Variants in DPH6 observed in about 807,000 individuals in gnomAD.
The protein encoded by DPH6 is diphthamine biosynthesis 6, also known as diphthine--ammonia ligase.
In DPH6, 33 loss-of-function variants were observed where a neutral mutation model predicts 38.2. The observed-to-expected ratio is 0.86, with a 90% CI of 0.65 to 1.15. The LOEUF is 1.15. Ranked by LOEUF, DPH6 falls within the 50% of genes most tolerant of loss-of-function variation. DPH6 has a pLI of 0.00. For synonymous variants in DPH6, 108 were observed against 103.0 expected (o/e 1.05, Z -0.30); for missense variants, 325 against 320.0 (o/e 1.02, Z -0.12).
At chr15:35,527,012 C>T (rs1191823229) in intron 3 of DPH6, among the ~76,000 whole-genome samples, 4 of 152,112 alleles carry the variant, frequency 2.6e-5, no homozygotes, top group Non-Finnish European at 5.9e-5. Context: ...AGGATCAATT[C>T]AATCCAATCT....
At chr15:35,216,365 C>T (rs1383888161), downstream of DPH6, among the ~76,000 whole-genome samples, 1 of 152,148 alleles carries the variant, frequency 6.6e-6, no homozygotes, top group Non-Finnish European at 1.5e-5. Context: ...TCTTTATATA[C>T]TTGGTAGCTT....
At chr15:35,412,479 G>A (rs2053379595) in intron 5 of DPH6, among the ~76,000 whole-genome samples, 1 of 151,564 alleles carries the variant, frequency 6.6e-6, no homozygotes, top group Non-Finnish European at 1.5e-5. Flanking sequence ...GTGTTCCTTG[G>A]TGTTTACCCA....
intron 3 of DPH6, among the ~76,000 whole-genome samples, chr15:35,289,809 C>T (rs2051967948): frequency 6.6e-6 from 1 of 152,154 alleles, no homozygotes; most frequent in Non-Finnish European, 1.5e-5. Flanking sequence ...ACATGTAATG[C>T]ACTAAAATTG....
chr15:35,336,135 A>G (rs2052369919), intron 3 of DPH6, among the ~76,000 whole-genome samples: 1 of 152,016 alleles, frequency 6.6e-6, no homozygotes, highest in African/African-American at 2.4e-5. Flanking sequence ...TTCTTTTTGT[A>G]GCAATTGTGA....
chr15:35,149,412 T>C, the DPH6 span, among the ~76,000 whole-genome samples: 5 of 152,204 alleles, frequency 3.3e-5, no homozygotes, highest in East Asian at 7.7e-4. Context: ...TAATTTTTTG[T>C]ATTTTTAGTA....
chr15:35,165,349 T>C, the DPH6 span, among the ~76,000 whole-genome samples: 1 of 151,930 alleles, frequency 6.6e-6, no homozygotes, highest in Non-Finnish European at 1.5e-5. Context: ...GGTGGAACAC[T>C]CTTTGATTTA....
chr15:35,342,959 C>A (rs1439021703), intron 3 of DPH6, among the ~76,000 whole-genome samples: 1 of 152,138 alleles, frequency 6.6e-6, no homozygotes, highest in African/African-American at 2.4e-5. Flanking sequence ...TATACTTTCA[C>A]CCACTTCTTC....
intron 3 of DPH6, among the ~76,000 whole-genome samples, chr15:35,347,874 T>C (rs2052476108): frequency 1.3e-5 from 2 of 152,252 alleles, no homozygotes; most frequent in South Asian, 2.1e-4. Context: ...TCATTGTTGT[T>C]TTGATTTGCA....
chr15:35,521,603 C>T (rs1595439885), intron 3 of DPH6: 1 of 1,228,610 alleles, frequency 8.1e-7, no homozygotes, highest in South Asian at 4.1e-5. Flanking sequence ...TTTTCATCTA[C>T]CACAGGATGA....
At chr15:35,424,052 G>T (rs1011785038) in intron 5 of DPH6, among the ~76,000 whole-genome samples, 1 of 148,070 alleles carries the variant, frequency 6.8e-6, no homozygotes, top group African/African-American at 2.6e-5. Context: ...GTGGTCTTTT[G>T]TGGTTCCATA....
At chr15:35,167,225 G>T in the DPH6 span, among the ~76,000 whole-genome samples, 1 of 151,898 alleles carries the variant, frequency 6.6e-6, no homozygotes, top group Non-Finnish European at 1.5e-5. Context: ...AGACTCAGAA[G>T]AATAACAAAA....
chr15:35,360,897 A>T (rs1054288224), intron 3 of DPH6, among the ~76,000 whole-genome samples: 4 of 151,994 alleles, frequency 2.6e-5, no homozygotes, highest in Non-Finnish European at 5.9e-5. Flanking sequence ...CTGCCACTGG[A>T]GGAATGAACA....
intron 3 of DPH6, among the ~76,000 whole-genome samples, chr15:35,224,074 T>A (rs911700068): frequency 1.3e-5 from 2 of 150,572 alleles, no homozygotes; most frequent in African/African-American, 4.9e-5. Flanking sequence ...TTAAGGCTCA[T>A]CCAGTCTTTC....
At chr15:35,287,720 A>AT (rs1011010164) in intron 3 of DPH6, among the ~76,000 whole-genome samples, 6 of 151,620 alleles carry the variant, frequency 4.0e-5, no homozygotes, top group South Asian at 2.1e-4. Context: ...CCTTACTTAA[A>AT]TTTTTTTTTC....
At chr15:35,354,076 C>T (rs1203446235) in intron 3 of DPH6, among the ~76,000 whole-genome samples, 1 of 152,092 alleles carries the variant, frequency 6.6e-6, no homozygotes, top group African/African-American at 2.4e-5. Flanking sequence ...ATTTGGCTCT[C>T]TGTTTGTCTA....
intron 3 of DPH6, among the ~76,000 whole-genome samples, chr15:35,295,717 C>G (rs1347875961): frequency 6.6e-6 from 1 of 152,104 alleles, no homozygotes; most frequent in Non-Finnish European, 1.5e-5. Flanking sequence ...AAAGTCTGAT[C>G]CATTAGTAAT....
At chr15:35,181,175 AAAT>A in the DPH6 span, among the ~76,000 whole-genome samples, 1 of 152,146 alleles carries the variant, frequency 6.6e-6, no homozygotes, top group Non-Finnish European at 1.5e-5. Context: ...CTCAGAGTTA[AAAT>A]AATAATAACA....
chr15:35,381,632 A>T (rs1437291599), intron 7 of DPH6, among the ~76,000 whole-genome samples, 190 bp downstream of exon 7: 2 of 152,190 alleles, frequency 1.3e-5, no homozygotes, highest in Non-Finnish European at 2.9e-5. Context: ...GCCTTCTATG[A>T]AGGCCTCGTC....
chr15:35,168,766 T>TA, the DPH6 span, among the ~76,000 whole-genome samples: 1 of 152,096 alleles, frequency 6.6e-6, no homozygotes, highest in Non-Finnish European at 1.5e-5. Flanking sequence ...AAAAAGGAAA[T>TA]ACATTTTACT....
Sources: gnomAD v4.1 joint callset for allele counts (sites outside exome capture counted in the v4.1 genomes callset) on GRCh38, gnomAD v4.1.1 for gene constraint, MANE v1.5 for transcripts, NCBI Gene and HGNC (gene_info 2026-07-23, HGNC 2026-07-21) for gene names.